SND1: variants seen among roughly 807,000 people sequenced by gnomAD.
SND1 encodes the protein staphylococcal nuclease domain-containing protein 1.
Under a neutral mutation model 121.7 loss-of-function variants are expected in SND1, and 38 were observed. That is an observed-to-expected ratio of 0.31 (90% confidence interval 0.24 to 0.41). The LOEUF is 0.41. SND1 is among the 10% of genes least tolerant of loss of function. The pLI is 1.00. For synonymous variants in SND1, 401 were observed against 447.4 expected (o/e 0.90, Z 1.31); for missense variants, 868 against 1,184.6 (o/e 0.73, Z 3.92).
At chr7:127,898,207 T>A (rs1240216640) in intron 13 of SND1, among the ~76,000 whole-genome samples, 2 of 152,124 alleles carry the variant, frequency 1.3e-5, no homozygotes, top group Non-Finnish European at 2.9e-5. Context: ...TTATATTAGC[T>A]TTAGACGAGA....
intron 15 of SND1, among the ~76,000 whole-genome samples, chr7:127,966,386 TCAACAGAATATA>T (rs976083658): frequency 6.9e-6 from 1 of 144,384 alleles, no homozygotes; most frequent in African/African-American, 2.7e-5. Context: ...CCACCCCAGA[TCAACAGAATATA>T]CATTTTTTTC....
rs1183139689 is a variant in SND1, at chr7:127,815,857, A to G, written c.1242+8284A>G. On this transcript the variant is annotated intron_variant, in intron 11 of 23. Transcript: ENST00000354725. ...CCTCTTGTTTCTGGGTTTCTACTTCAGTAGTTAGTTTCTTTACCAAGTAAT... is the reference window on the plus strand; with the variant it reads ...CCTCTTGTTTCTGGGTTTCTACTTCGGTAGTTAGTTTCTTTACCAAGTAAT... Among the ~76,000 whole-genome samples the G allele has an allele frequency of 2.6e-5, 4 of 152,152 alleles. No homozygotes were observed. In the East Asian group the frequency reaches 7.7e-4, roughly 29 times the overall value.
intron 15 of SND1, among the ~76,000 whole-genome samples, chr7:127,986,106 TATC>T (rs1802383398): frequency 6.6e-6 from 1 of 152,182 alleles, no homozygotes; most frequent in African/African-American, 2.4e-5. Flanking sequence ...GAGACTTAGT[TATC>T]ATAAAACTCG....
chr7:127,928,731 G>A (rs6952123), intron 14 of SND1, among the ~76,000 whole-genome samples: 8,264 of 152,122 alleles, frequency 0.054, 655 homozygotes, highest in African/African-American at 0.17. Flanking sequence ...TGGGATTACA[G>A]GCATGTGCCA....
rs533289855 is a variant in SND1 at position 127,908,125 on chromosome 7, G to A, written c.1527+3306G>A. Among the ~76,000 whole-genome samples the A allele has an allele frequency of 1.1e-4, 17 of 152,162 alleles. No individual in the cohort carries two copies. In the East Asian group the frequency reaches 3.1e-3, roughly 28 times the overall value. ...CATCTGCATATAACACCAACTGAATGAACCCCCAGTTTGTCTAGGGCTTTG... is the reference window on the plus strand; with the variant it reads ...CATCTGCATATAACACCAACTGAATAAACCCCCAGTTTGTCTAGGGCTTTG... On this transcript the variant is annotated intron_variant, in intron 14 of 23. Transcript: ENST00000354725.
chr7:127,904,136 T>C (rs1800287394), intron 13 of SND1, among the ~76,000 whole-genome samples: 3 of 152,218 alleles, frequency 2.0e-5, no homozygotes, highest in Admixed American at 2.0e-4. Flanking sequence ...AACCCATGGC[T>C]GAGGTTGGCA....
chr7:128,060,689 G>C (rs1005474835), intron 16 of SND1, among the ~76,000 whole-genome samples: 2 of 152,206 alleles, frequency 1.3e-5, no homozygotes, highest in Non-Finnish European at 2.9e-5. Context: ...CCGAGGGGTG[G>C]GGTGGTAGTG....
chr7:127,842,715 G>A (rs1798986935), intron 11 of SND1, among the ~76,000 whole-genome samples: 1 of 152,006 alleles, frequency 6.6e-6, no homozygotes, highest in Admixed American at 6.6e-5. Flanking sequence ...TGGGGGTCTT[G>A]CTTTGTTTCC....
At chr7:127,792,385 G>T (rs1797926320) in intron 10 of SND1, among the ~76,000 whole-genome samples, 2 of 152,178 alleles carry the variant, frequency 1.3e-5, no homozygotes, top group Non-Finnish European at 2.9e-5. Flanking sequence ...ATTGTGACCT[G>T]CAGAGAGGGT....
intron 10 of SND1, among the ~76,000 whole-genome samples, chr7:127,758,693 C>A (rs1048333239): frequency 1.3e-5 from 2 of 151,946 alleles, no homozygotes; most frequent in Admixed American, 1.3e-4. Flanking sequence ...AATATGTAAT[C>A]CATTTTGATT....
intron 15 of SND1, among the ~76,000 whole-genome samples, chr7:127,970,189 A>C (rs1385585799): frequency 6.6e-6 from 1 of 152,224 alleles, no homozygotes; most frequent in Non-Finnish European, 1.5e-5. Context: ...TCACTTGGGA[A>C]AAGACATCTA....
At chr7:127,833,776 C>G (rs1798810477) in intron 11 of SND1, among the ~76,000 whole-genome samples, 1 of 152,206 alleles carries the variant, frequency 6.6e-6, no homozygotes. Context: ...TAAGCACATT[C>G]ATTCACATTG....
At chr7:128,050,073 A>C (rs1246717394) in intron 16 of SND1, among the ~76,000 whole-genome samples, 1 of 152,192 alleles carries the variant, frequency 6.6e-6, no homozygotes, top group African/African-American at 2.4e-5. Flanking sequence ...TTTCGTAAGA[A>C]GACTGAACCA....
chr7:128,029,036 T>G lies in SND1; in HGVS notation c.1779+37980T>G. ...ACATGGCGGCAGCTAGCAGAGTCACTGCCACAAAGCAGCCAATGATGATCT... is the reference window on the plus strand; with the variant it reads ...ACATGGCGGCAGCTAGCAGAGTCACGGCCACAAAGCAGCCAATGATGATCT... On this transcript the variant is annotated intron_variant, in intron 16 of 23. Coordinates refer to ENST00000354725, the MANE Select transcript of SND1 (RefSeq NM_014390.4). The surrounding 1 kb of genome is among the most constrained non-coding windows in gnomAD (Gnocchi z 4.2). 6.2e-7 allele frequency: 1 copy of G among 1,614,020 alleles called. No individual in the cohort carries two copies. Among genetic ancestry groups the G allele is most frequent in the Non-Finnish European group, 8.5e-7 (1 of 1,179,986 alleles).
intron 14 of SND1, among the ~76,000 whole-genome samples, chr7:127,923,817 T>A (rs1800769313): frequency 6.6e-6 from 1 of 152,184 alleles, no homozygotes; most frequent in Non-Finnish European, 1.5e-5. Flanking sequence ...CCATACACCA[T>A]ACACAATACA....
intron 14 of SND1, among the ~76,000 whole-genome samples, chr7:127,922,721 CTT>C (rs1419017242): frequency 1.3e-5 from 2 of 152,284 alleles, no homozygotes; most frequent in South Asian, 4.1e-4. Context: ...CCTTTGGAAA[CTT>C]TGCTTAGCCA....
chr7:128,043,684 A>T (rs897550835), intron 16 of SND1, among the ~76,000 whole-genome samples: 2 of 151,424 alleles, frequency 1.3e-5, no homozygotes, highest in Non-Finnish European at 2.9e-5. Flanking sequence ...TCTCAATTTG[A>T]TAAAGAATGT....
chr7:127,970,156 T>C (rs1299705411), intron 15 of SND1, among the ~76,000 whole-genome samples: 1 of 152,222 alleles, frequency 6.6e-6, no homozygotes, highest in Non-Finnish European at 1.5e-5. Flanking sequence ...TTAAAGTCTA[T>C]CATAGTCTAT....
At position 127,951,542 on chromosome 7, in the gene SND1, T is replaced by A. The variant is rs114646899; in HGVS notation, c.1669+22213T>A. 6.3e-3 allele frequency among the ~76,000 whole-genome samples: 959 copies of A among 152,260 alleles called. 2 individuals carry two copies. Among genetic ancestry groups the A allele is most frequent in the Non-Finnish European group, 0.01 (691 of 68,020 alleles). On this transcript the variant is annotated intron_variant, in intron 15 of 23. Transcript: ENST00000354725. ...ATTGTAAGAGTACTTTATTTAAAAA[T>A]GTGTTGAGAGGGTAGGTCACGTGTT...
Sources: allele counts gnomAD v4.1 joint callset (sites outside exome capture counted in the v4.1 genomes callset), GRCh38; gene constraint gnomAD v4.1.1; non-coding constraint Gnocchi (gnomAD v3.1); transcripts MANE v1.5; gene names NCBI Gene and HGNC (gene_info 2026-07-23, HGNC 2026-07-21).